The following RIMS2 variants were observed in gnomAD, a reference collection of about 807,000 sequenced individuals.
RIMS2 encodes the protein regulating synaptic membrane exocytosis protein 2.
RIMS2 carries 59 observed loss-of-function variants against 174.4 expected under a neutral mutation model. That is an observed-to-expected ratio of 0.34 (90% confidence interval 0.27 to 0.42). The LOEUF (loss-of-function observed/expected upper bound fraction) is 0.42. Ranked by LOEUF, RIMS2 falls within the 10% of genes least tolerant of loss-of-function variation. RIMS2 has a pLI of 1.00. For missense variants in RIMS2, 1,620 were observed against 1,666.3 expected (o/e 0.97, Z 0.48); for synonymous variants, 606 against 572.5 (o/e 1.06, Z -0.84).
At chr8:103,668,743 CA>C (rs2096707900) in intron 1 of RIMS2, among the ~76,000 whole-genome samples, 1 of 151,654 alleles carries the variant, frequency 6.6e-6, no homozygotes, top group African/African-American at 2.4e-5. Flanking sequence ...TGTGGTGGCA[CA>C]GTTGTAGCTC....
intron 1 of RIMS2, among the ~76,000 whole-genome samples, chr8:103,588,008 TAA>T (rs2094052724): frequency 1.3e-5 from 2 of 151,950 alleles, no homozygotes; most frequent in African/African-American, 4.8e-5. Context: ...TGGAAAAACC[TAA>T]AGACTCCACA....
intron 2 of RIMS2, among the ~76,000 whole-genome samples, chr8:103,705,771 A>G (rs1471775398): frequency 6.6e-6 from 1 of 150,576 alleles, no homozygotes; most frequent in Non-Finnish European, 1.5e-5. Context: ...TACATGGAAT[A>G]TCTTTTCCAT....
At chr8:103,618,873 G>T (rs571824858) in intron 1 of RIMS2, among the ~76,000 whole-genome samples, 30 of 152,218 alleles carry the variant, frequency 2.0e-4, no homozygotes, top group African/African-American at 6.7e-4. Flanking sequence ...TTCACTCGTG[G>T]TTGCTAAGCT....
chr8:103,569,675 G>A (rs573024184), intron 1 of RIMS2, among the ~76,000 whole-genome samples: 1 of 151,900 alleles, frequency 6.6e-6, no homozygotes, highest in South Asian at 2.1e-4. Flanking sequence ...GAATATAGTG[G>A]TGTTGATTTC....
chr8:104,006,008 G>GCCAAAGTGT (rs2095562753), intron 17 of RIMS2, among the ~76,000 whole-genome samples: 1 of 151,950 alleles, frequency 6.6e-6, no homozygotes, highest in Admixed American at 6.6e-5. Flanking sequence ...TGTGATGTAA[G>GCCAAAGTGT]CCAATAACAC....
intron 2 of RIMS2, among the ~76,000 whole-genome samples, chr8:103,720,128 A>T (rs1385192549): frequency 6.6e-6 from 1 of 152,182 alleles, no homozygotes; most frequent in East Asian, 1.9e-4. Flanking sequence ...TCAGAAGTAT[A>T]CAAGTTATCT....
At chr8:103,805,485 T>C (rs1041444159) in intron 3 of RIMS2, among the ~76,000 whole-genome samples, 3 of 152,176 alleles carry the variant, frequency 2.0e-5, no homozygotes, top group African/African-American at 7.2e-5. Context: ...TGAGAGTTGC[T>C]AACATCTATT....
intron 3 of RIMS2, among the ~76,000 whole-genome samples, chr8:103,778,200 T>C (rs1269136408): frequency 6.6e-6 from 1 of 152,070 alleles, no homozygotes; most frequent in Non-Finnish European, 1.5e-5. Flanking sequence ...TCATATAATA[T>C]GTAAAGACCA....
chr8:103,507,874 TAGTTCATGCCCTCCAGGGACAG>T (rs1368030417), intron 1 of RIMS2, among the ~76,000 whole-genome samples: 1 of 152,062 alleles, frequency 6.6e-6, no homozygotes, highest in Non-Finnish European at 1.5e-5. Context: ...TGGATAGAAA[TAGTTCATGCCCTCCAGGGACAG>T]ATAATCTAAG....
intron 1 of RIMS2, among the ~76,000 whole-genome samples, chr8:103,502,241 T>C (rs1171864140): frequency 6.6e-6 from 1 of 152,222 alleles, no homozygotes; most frequent in African/African-American, 2.4e-5. Context: ...TTCAGGTACA[T>C]TTTAAAAGCA....
chr8:103,543,463 A>G (rs918556405), intron 1 of RIMS2, among the ~76,000 whole-genome samples: 11 of 152,208 alleles, frequency 7.2e-5, no homozygotes, highest in Non-Finnish European at 1.5e-4. Flanking sequence ...TGCAATCCCT[A>G]TGAAAATTCC....
At chr8:103,577,011 A>G (rs1346121476) in intron 1 of RIMS2, among the ~76,000 whole-genome samples, 2 of 152,236 alleles carry the variant, frequency 1.3e-5, no homozygotes, top group African/African-American at 4.8e-5. Flanking sequence ...GGACATAGGC[A>G]TGGGCAAAGA....
intron 3 of RIMS2, among the ~76,000 whole-genome samples, chr8:103,773,567 T>C (rs2098277013): frequency 6.6e-6 from 1 of 151,984 alleles, no homozygotes; most frequent in Non-Finnish European, 1.5e-5. Context: ...CCATCTCTAC[T>C]AAAAATACAA....
intron 3 of RIMS2, among the ~76,000 whole-genome samples, chr8:103,860,469 C>A (rs2099052471): frequency 6.6e-6 from 1 of 151,852 alleles, no homozygotes; most frequent in South Asian, 2.1e-4. Flanking sequence ...ATACTAACAG[C>A]CATTGTTATT....
At chr8:103,738,976 C>A (rs1314278338) in intron 2 of RIMS2, among the ~76,000 whole-genome samples, 1 of 151,676 alleles carries the variant, frequency 6.6e-6, no homozygotes, top group African/African-American at 2.4e-5. Flanking sequence ...TGTGGCGATT[C>A]CTCAAGGATC....
intron 16 of RIMS2, chr8:103,976,548 C>CTTTTTCTTTTTTTTTTTTTT (rs1555075311): frequency 6.4e-5 from 8 of 124,568 alleles, no homozygotes; most frequent in Non-Finnish European, 1.3e-4. Context: ...TTTTCTTTTT[C>CTTTTTCTTTTTTTTTTTTTT]TTTTTTTTTT....
At chr8:103,535,592 T>A (rs1041224382) in intron 1 of RIMS2, among the ~76,000 whole-genome samples, 9 of 152,234 alleles carry the variant, frequency 5.9e-5, no homozygotes, top group Admixed American at 3.3e-4. Flanking sequence ...GTGGTGTACT[T>A]TGGCCATCTG....
chr8:104,089,576 T>A (rs2097598585), intron 19 of RIMS2, among the ~76,000 whole-genome samples: 1 of 151,886 alleles, frequency 6.6e-6, no homozygotes, highest in African/African-American at 2.4e-5. Flanking sequence ...TTCTCATTTT[T>A]AAAAGCATAT....
chr8:103,891,508 A>G (rs1010428444), intron 4 of RIMS2, among the ~76,000 whole-genome samples: 1 of 152,050 alleles, frequency 6.6e-6, no homozygotes, highest in African/African-American at 2.4e-5. Flanking sequence ...CATGTTGTCA[A>G]CCATTTGCCC....
Sources: allele counts gnomAD v4.1 joint callset (sites outside exome capture counted in the v4.1 genomes callset), GRCh38; gene constraint gnomAD v4.1.1; transcripts MANE v1.5; gene names NCBI Gene and HGNC (gene_info 2026-07-23, HGNC 2026-07-21).